Variants in ASAP1 observed in about 807,000 individuals in gnomAD.
The protein encoded by ASAP1 is ArfGAP with SH3 domain, ankyrin repeat and PH domain 1.
In ASAP1, 43 loss-of-function variants were observed where a neutral mutation model predicts 145.2. The observed-to-expected ratio is 0.30, with a 90% confidence interval of 0.23 to 0.38. The LOEUF (loss-of-function observed/expected upper bound fraction) is 0.38. Ranked by LOEUF, ASAP1 falls within the 10% of genes least tolerant of loss-of-function variation. The pLI is 1.00. For synonymous variants in ASAP1, 546 were observed against 515.5 expected (o/e 1.06, Z -0.80); for missense variants, 1,018 against 1,355.3 (o/e 0.75, Z 3.91).
chr8:130,216,451 G>C (rs1816934927), intron 4 of ASAP1, among the ~76,000 whole-genome samples: 1 of 152,204 alleles, frequency 6.6e-6, no homozygotes, highest in Non-Finnish European at 1.5e-5. Context: ...TTTCTCAGTA[G>C]AGCAAATACT....
intron 2 of ASAP1, among the ~76,000 whole-genome samples, chr8:130,374,712 G>A (rs1180793127): frequency 6.6e-6 from 1 of 152,232 alleles, no homozygotes; most frequent in Non-Finnish European, 1.5e-5. Context: ...CTGAGCAAGT[G>A]TGTCTGAATC....
intron 2 of ASAP1, among the ~76,000 whole-genome samples, chr8:130,382,503 C>A (rs1565267931): frequency 6.6e-6 from 1 of 152,202 alleles, no homozygotes; most frequent in Non-Finnish European, 1.5e-5. Flanking sequence ...CAAACTCACT[C>A]TGACACAGGC....
At chr8:130,402,321 A>T (rs1828831993) in intron 1 of ASAP1, among the ~76,000 whole-genome samples, 1 of 152,192 alleles carries the variant, frequency 6.6e-6, no homozygotes, top group Non-Finnish European at 1.5e-5. Flanking sequence ...AGACAGACAG[A>T]CAGACACCTG....
intron 27 of ASAP1, among the ~76,000 whole-genome samples, chr8:130,063,890 G>C (rs527909002): frequency 5.3e-4 from 81 of 152,304 alleles, no homozygotes; most frequent in African/African-American, 1.9e-3. Context: ...CATTCCACGA[G>C]AGGGTGACAA....
chr8:130,333,030 T>C (rs1033924721), intron 3 of ASAP1, among the ~76,000 whole-genome samples: 1 of 152,124 alleles, frequency 6.6e-6, no homozygotes, highest in African/African-American at 2.4e-5. Flanking sequence ...CACAAAGCGG[T>C]TCAATCTTTC....
chr8:130,089,519 G>GA (rs1015534363), intron 25 of ASAP1, among the ~76,000 whole-genome samples: 1 of 152,208 alleles, frequency 6.6e-6, no homozygotes, highest in African/African-American at 2.4e-5. Context: ...GTCCACAGAC[G>GA]AAAGCTGCAG....
At chr8:130,267,129 A>C (rs999628520) in intron 3 of ASAP1, among the ~76,000 whole-genome samples, 1 of 150,878 alleles carries the variant, frequency 6.6e-6, no homozygotes, top group Non-Finnish European at 1.5e-5. Context: ...CAAACAAAAA[A>C]AAAACAAAAC....
intron 3 of ASAP1, among the ~76,000 whole-genome samples, chr8:130,280,241 C>T (rs1329502211): frequency 1.3e-5 from 2 of 152,212 alleles, no homozygotes; most frequent in Non-Finnish European, 2.9e-5. Flanking sequence ...TCTACCTTTA[C>T]TTCTCATATG....
chr8:130,250,271 T>C (rs544276875), intron 3 of ASAP1, among the ~76,000 whole-genome samples: 3 of 152,100 alleles, frequency 2.0e-5, no homozygotes, highest in African/African-American at 4.8e-5. Context: ...TTTTTGGAGA[T>C]GAAGAAATTA....
chr8:130,078,405 T>C (rs906546100), intron 26 of ASAP1, among the ~76,000 whole-genome samples: 3 of 152,078 alleles, frequency 2.0e-5, no homozygotes, highest in Admixed American at 6.6e-5. Context: ...GGCGGTCCTC[T>C]TGCCTCAGCC....
intron 24 of ASAP1, among the ~76,000 whole-genome samples, chr8:130,099,918 T>TG (rs1266227360): frequency 6.6e-6 from 1 of 152,214 alleles, no homozygotes; most frequent in Non-Finnish European, 1.5e-5. Context: ...CACCTGCTGA[T>TG]GGACATTTAG....
intron 9 of ASAP1, among the ~76,000 whole-genome samples, chr8:130,177,505 A>C (rs1814044764): frequency 6.6e-6 from 1 of 152,236 alleles, no homozygotes. Flanking sequence ...AATTCCACCC[A>C]ATACTAAAAT....
intron 9 of ASAP1, 36 bp from the exon 10 acceptor site, chr8:130,169,103 T>TAA (rs397718112): frequency 6.1e-5 from 65 of 1,058,240 alleles, no homozygotes; most frequent in South Asian, 1.6e-4. Flanking sequence ...ACCACCAGTA[T>TAA]AAAAAAAAAA....
chr8:130,070,850 AGAGAGAGGGAGAGAGGG>A (rs2097442280), intron 27 of ASAP1, among the ~76,000 whole-genome samples: 2 of 3,860 alleles, frequency 5.2e-4, no homozygotes, highest in South Asian at 0.022. Context: ...GGAGAGAGGG[AGAGAGAGGGAGAGAGGG>A]AGAGAGAGGG....
intron 1 of ASAP1, among the ~76,000 whole-genome samples, chr8:130,432,975 T>A (rs182471127): frequency 1.3e-5 from 2 of 152,326 alleles, no homozygotes; most frequent in East Asian, 3.9e-4. Context: ...CTGCTACACC[T>A]GGTCGCTCAC....
At chr8:130,276,760 T>TCTCTCTCTCTCTCTCCCC (rs1333515760) in intron 3 of ASAP1, among the ~76,000 whole-genome samples, 10 of 130,404 alleles carry the variant, frequency 7.7e-5, no homozygotes, top group Non-Finnish European at 1.2e-4. Flanking sequence ...TCTCTCTCTC[T>TCTCTCTCTCTCTCTCCCC]CCTCTAACAA....
chr8:130,241,665 T>C (rs1322909380), intron 3 of ASAP1, among the ~76,000 whole-genome samples: 1 of 152,146 alleles, frequency 6.6e-6, no homozygotes, highest in Non-Finnish European at 1.5e-5. Flanking sequence ...AGTTTAAAGG[T>C]ATACATATCT....
At chr8:130,410,382 G>T (rs146616020) in intron 1 of ASAP1, among the ~76,000 whole-genome samples, 3 of 151,862 alleles carry the variant, frequency 2.0e-5, no homozygotes, top group African/African-American at 7.3e-5. Context: ...AAACAGCCTC[G>T]GGACCCCCAA....
intron 3 of ASAP1, among the ~76,000 whole-genome samples, chr8:130,276,589 C>T (rs1820894989): frequency 6.6e-6 from 1 of 151,916 alleles, no homozygotes; most frequent in South Asian, 2.1e-4. Context: ...TCAGCCACAG[C>T]TGAGACAATC....
Sources: gnomAD v4.1 joint callset for allele counts (sites outside exome capture counted in the v4.1 genomes callset) on GRCh38, gnomAD v4.1.1 for gene constraint, MANE v1.5 for transcripts, NCBI Gene and HGNC (gene_info 2026-07-23, HGNC 2026-07-21) for gene names.